TINAG: variants seen among roughly 807,000 people sequenced by gnomAD.
TINAG encodes the protein tubulointerstitial nephritis antigen.
TINAG carries 83 observed loss-of-function variants against 72.7 expected under a neutral mutation model. The ratio of observed to expected loss-of-function variants is 1.14; its 90% CI spans 0.96 to 1.37. The LOEUF (loss-of-function observed/expected upper bound fraction) is 1.37, where lower values mean the gene tolerates loss of function less well. TINAG is among the 40% of genes most tolerant of loss of function. The pLI is 0.00. For synonymous variants in TINAG, 234 were observed against 189.9 expected (o/e 1.23, Z -1.91); for missense variants, 685 against 576.6 (o/e 1.19, Z -1.93).
At chr6:54,343,555 T>A (rs1417387) in intron 5 of TINAG, among the ~76,000 whole-genome samples, 1 of 150,694 alleles carries the variant, frequency 6.6e-6, no homozygotes. Flanking sequence ...TATTTTAGGG[T>A]GAAATTTTAA....
chr6:54,341,276 C>G (rs960937238), intron 4 of TINAG, among the ~76,000 whole-genome samples: 1 of 152,088 alleles, frequency 6.6e-6, no homozygotes, highest in Non-Finnish European at 1.5e-5. Flanking sequence ...TAGGAAGGCA[C>G]CTTTCAAAAG....
At chr6:54,339,611 T>C (rs1200708525) in intron 4 of TINAG, among the ~76,000 whole-genome samples, 2 of 152,072 alleles carry the variant, frequency 1.3e-5, no homozygotes, top group African/African-American at 4.8e-5. Context: ...TTTTAAGAAG[T>C]CATTAAAAGA....
At chr6:54,364,705 T>A (rs1484532544) in intron 9 of TINAG, among the ~76,000 whole-genome samples, 1 of 151,324 alleles carries the variant, frequency 6.6e-6, no homozygotes, top group Non-Finnish European at 1.5e-5. Context: ...AAAGCCATAG[T>A]TTTCTATTTT....
chr6:54,370,489 T>C (rs1763570222), intron 9 of TINAG, among the ~76,000 whole-genome samples: 1 of 152,096 alleles, frequency 6.6e-6, no homozygotes, highest in Admixed American at 6.6e-5. Context: ...TTATATACTC[T>C]CAAGTTTATT....
Position 54,374,507 on chromosome 6 carries a change from C to G in TINAG, c.1251-6019C>G, listed in dbSNP as rs75866130. Among the ~76,000 whole-genome samples, 1,399 of 152,214 alleles carry G rather than the reference C, an allele frequency of 9.2e-3. 29 individuals carry two copies. Among genetic ancestry groups the G allele is most frequent in the East Asian group, 0.053 (274 of 5,180 alleles). On this transcript the variant is annotated intron_variant, in intron 9 of 10. Coordinates refer to ENST00000259782, the MANE Select transcript of TINAG (RefSeq NM_014464.4). ...TAGCACTTTTTCATATTCAATAACA[C>G]TTCATTTACTAGGCATGAGCTTTTC...
In TINAG at chr6:54,389,780, T is replaced by C. The variant is rs1242915834; in HGVS notation, c.1297-11T>C. The C allele has an allele frequency of 3.2e-6, 5 of 1,571,706 alleles. No individual in the cohort carries two copies. Among genetic ancestry groups the C allele is most frequent in the South Asian group, 2.4e-5 (2 of 83,324 alleles). ...GTTTCTCAACTTTTTTGTTTGTTTG[T>C]TTTTCTGCAGATTGCTGCCAATTCC... On this transcript the variant is annotated splice_polypyrimidine_tract_variant and intron_variant, in intron 10 of 10. Transcript: ENST00000259782.
At chr6:54,378,719 G>T (rs1468272948) in intron 9 of TINAG, among the ~76,000 whole-genome samples, 1 of 152,026 alleles carries the variant, frequency 6.6e-6, no homozygotes, top group Admixed American at 6.6e-5. Flanking sequence ...CTTCTCCTTT[G>T]TATGACTTTT....
At position 54,355,897 on chromosome 6, in the gene TINAG, T is replaced by C. The variant is rs547836633; in HGVS notation, c.1250+1261T>C. Among the ~76,000 whole-genome samples, 55 of 149,630 alleles carry C rather than the reference T, an allele frequency of 3.7e-4. No homozygotes were observed. The South Asian group carries it at 0.011, about 31-fold the overall frequency. ...GGAAAGAAGGAAAGAAGGAAAGAGA[T>C]TTCACAGGAAAACAAGATAGTGCAG... On this transcript the variant is annotated intron_variant, in intron 9 of 10. Transcript: ENST00000259782.
rs1785261001 is a variant in TINAG, at chr6:54,351,337, T to C, written c.1081-15T>C. On this transcript the variant is annotated splice_polypyrimidine_tract_variant and intron_variant, in intron 7 of 10. Coordinates refer to ENST00000259782, the MANE Select transcript of TINAG (RefSeq NM_014464.4). ...TGATAACAATGATATTGCTTATTCA[T>C]ATTTTTCCATCCAGGAAACTGAGAT... 2.5e-6 allele frequency: 4 copies of C among 1,605,894 alleles called. No individual in the cohort carries two copies. The highest frequency in any genetic ancestry group is 3.4e-6 in the Non-Finnish European group (4 of 1,174,252).
chr6:54,373,101 T>C (rs1414999681), intron 9 of TINAG, among the ~76,000 whole-genome samples: 1 of 152,150 alleles, frequency 6.6e-6, no homozygotes, highest in African/African-American at 2.4e-5. Context: ...ATTGTGTTCA[T>C]TACATTTCTT....
At chr6:54,340,677 T>TA (rs548737257) in intron 4 of TINAG, among the ~76,000 whole-genome samples, 34 of 152,286 alleles carry the variant, frequency 2.2e-4, no homozygotes, top group African/African-American at 8.2e-4. Flanking sequence ...AAATAAATGG[T>TA]AAAAATCTTG....
At chr6:54,334,813 G>T (rs1166131362) in intron 4 of TINAG, among the ~76,000 whole-genome samples, 1 of 152,132 alleles carries the variant, frequency 6.6e-6, no homozygotes. Flanking sequence ...GTAGTAAAAA[G>T]ACTTTTAATC....
Position 54,357,970 on chromosome 6 carries a change from C to T in TINAG, c.1250+3334C>T, listed in dbSNP as rs1289299556. On this transcript the variant is annotated intron_variant, in intron 9 of 10. Transcript: ENST00000259782. ...AACATATTCTGAGGACTCTCCTTCT[C>T]GCCGACTCCCACTCCCATCAACTTT... is the stretch of plus-strand genomic sequence containing the variant. Among the ~76,000 whole-genome samples, 4 of 151,966 alleles carry T rather than the reference C, an allele frequency of 2.6e-5. No homozygotes were observed. In the East Asian group the frequency reaches 5.8e-4, roughly 22 times the overall value.
chr6:54,383,599 G>A (rs1466989148), intron 10 of TINAG, among the ~76,000 whole-genome samples: 1 of 152,082 alleles, frequency 6.6e-6, no homozygotes, highest in Non-Finnish European at 1.5e-5. Flanking sequence ...TGGTTTGTTT[G>A]AGTTAAATTA....
chr6:54,320,031 T>C lies in TINAG; in HGVS notation c.356-548T>C, dbSNP rs926342571. On this transcript the variant is annotated intron_variant, in intron 1 of 10. Coordinates refer to ENST00000259782, the MANE Select transcript of TINAG (RefSeq NM_014464.4). ...GTTAACAGTTAAGAAACATTTGGAT[T>C]TGGAAGGCAAATGGCTACAATCTTA... Among the ~76,000 whole-genome samples the C allele has an allele frequency of 1.4e-4, 21 of 152,240 alleles. No homozygotes were observed. The East Asian group carries it at 3.9e-3, about 28-fold the overall frequency.
intron 4 of TINAG, among the ~76,000 whole-genome samples, chr6:54,331,722 C>A (rs1344964310): frequency 6.6e-6 from 1 of 152,100 alleles, no homozygotes. Flanking sequence ...ATTGTTTCAG[C>A]CCCAAATCTC....
intron 6 of TINAG, among the ~76,000 whole-genome samples, chr6:54,348,987 C>T (rs1170599814): frequency 2.0e-5 from 3 of 151,930 alleles, no homozygotes; most frequent in Non-Finnish European, 4.4e-5. Context: ...ATTTTATTTC[C>T]CTTACAATTT....
intron 9 of TINAG, among the ~76,000 whole-genome samples, chr6:54,354,840 C>T (rs554297807): frequency 3.2e-4 from 48 of 151,928 alleles, no homozygotes; most frequent in Middle Eastern, 6.8e-3. Context: ...ATGATCTTTT[C>T]CTACCTCTCA....
chr6:54,354,428 A>G (rs1017863695), intron 8 of TINAG, 85 bp from the exon 9 acceptor site: 5 of 1,301,476 alleles, frequency 3.8e-6, no homozygotes, highest in South Asian at 2.9e-5. Context: ...CAATTTACCC[A>G]TTGGTTGTTC....
Sources: gnomAD v4.1 joint callset for allele counts (sites outside exome capture counted in the v4.1 genomes callset) on GRCh38, gnomAD v4.1.1 for gene constraint, MANE v1.5 for transcripts, NCBI Gene and HGNC (gene_info 2026-07-23, HGNC 2026-07-21) for gene names.